Variants in NALF1 observed in about 807,000 individuals in gnomAD.
NALF1 encodes NALCN channel auxiliary factor 1.
NALF1 carries 3 observed loss-of-function variants against 48.4 expected under a neutral mutation model. The ratio of observed to expected loss-of-function variants is 0.06; its 90% CI spans 0.03 to 0.16. The LOEUF is 0.16. Ranked by LOEUF, NALF1 falls within the 10% of genes least tolerant of loss-of-function variation. The pLI is 1.00. For synonymous variants in NALF1, 262 were observed against 245.7 expected, an observed-to-expected ratio of 1.07 and a Z score of -0.62; for missense variants, 526 against 571.5, an observed-to-expected ratio of 0.92 and a Z score of 0.81.
chr13:107,655,529 C>T (rs775869228), intron 1 of NALF1, among the ~76,000 whole-genome samples: 23 of 152,048 alleles, frequency 1.5e-4, no homozygotes, highest in South Asian at 4.1e-4. Flanking sequence ...CAAATGGAAA[C>T]ACATCCCATG....
rs1220492301 is a variant in NALF1, at chr13:107,170,272, G to A, written c.*225C>T. On this transcript the variant is annotated 3_prime_UTR_variant, in exon 3 of 3. Transcript: ENST00000375915. ...AAACCTCCAAACATTAAAACACAGT[G>A]TATAAAATGGTGTGAGAAATTTAAA... The A allele has an allele frequency of 6.8e-5, 34 of 502,924 alleles. No homozygotes were observed. The highest frequency in any genetic ancestry group is 1.1e-4 in the Non-Finnish European group (30 of 283,358). 31.2% of individuals were successfully genotyped at this position (502,924 alleles called of 1,614,324 possible). A position where few individuals can be genotyped will look rare whatever the true frequency, so the allele number is the denominator to read the frequency against.
In NALF1 at chr13:107,769,237, A is replaced by G. The variant is rs1387948805; in HGVS notation, c.915+96445T>C. The stretch of plus-strand genomic sequence containing the variant: ...ATCATGCTGCTATAAAGACACATGC[A>G]CACGTATGTTTACTGCAGCACTCTT... On this transcript the variant is annotated intron_variant, in intron 1 of 2. Coordinates refer to ENST00000375915, the MANE Select transcript of NALF1 (RefSeq NM_001080396.3). 5.4e-5 allele frequency among the ~76,000 whole-genome samples: 8 copies of G among 149,038 alleles called. No individual in the cohort carries two copies. In the South Asian group the frequency reaches 1.8e-3, roughly 33 times the overall value.
chr13:107,364,683 G>C (rs1883120465), intron 1 of NALF1, among the ~76,000 whole-genome samples: 1 of 152,050 alleles, frequency 6.6e-6, no homozygotes, highest in Non-Finnish European at 1.5e-5. Flanking sequence ...TTTAAGTAAA[G>C]GAGTCAAAAT....
chr13:107,754,330 G>C (rs1289419034), intron 1 of NALF1, among the ~76,000 whole-genome samples: 1 of 148,096 alleles, frequency 6.8e-6, no homozygotes, highest in Admixed American at 6.9e-5. Context: ...AGGTTACCTA[G>C]GAATTGTATT....
chr13:107,262,953 G>A lies in NALF1; in HGVS notation c.916-52198C>T, dbSNP rs542239672. On this transcript the variant is annotated intron_variant, in intron 1 of 2. Transcript: ENST00000375915. ...GGTTAACAAAGAGAATCACAGACTC[G>A]TTGCGTGTATAGGAATGATTCAGGG... Among the ~76,000 whole-genome samples the A allele has an allele frequency of 1.0e-3, 152 of 152,218 alleles. 1 individual carries two copies. Among genetic ancestry groups the A allele is most frequent in the Middle Eastern group, 3.4e-3 (1 of 294 alleles).
At chr13:107,817,452 C>T (rs9520591) in intron 1 of NALF1, among the ~76,000 whole-genome samples, 24,880 of 152,134 alleles carry the variant, frequency 0.16, 2,273 homozygotes, top group African/African-American at 0.22. Context: ...AAGAAACATA[C>T]TGTGATATCT....
chr13:107,865,460 T>C (rs76836396), intron 1 of NALF1, among the ~76,000 whole-genome samples: 516 of 152,148 alleles, frequency 3.4e-3, no homozygotes, highest in African/African-American at 0.011. Context: ...ACCGGGGACT[T>C]CCCTGATCTT....
In NALF1 at chr13:107,571,098, T is replaced by A. The variant is rs559960647; in HGVS notation, c.915+294584A>T. On this transcript the variant is annotated intron_variant, in intron 1 of 2. Coordinates refer to ENST00000375915, the MANE Select transcript of NALF1 (RefSeq NM_001080396.3). ...GACAAGAAATAATACTGTTGCAGCA[T>A]AATAAGAAATATATGTTTGGTTTCT... Among the ~76,000 whole-genome samples, 13 of 152,360 alleles carry A rather than the reference T, an allele frequency of 8.5e-5. No homozygotes were observed. In the East Asian group the frequency reaches 2.3e-3, roughly 27 times the overall value.
chr13:107,590,521 C>T (rs1052049443), intron 1 of NALF1, among the ~76,000 whole-genome samples: 2 of 151,906 alleles, frequency 1.3e-5, no homozygotes, highest in African/African-American at 4.8e-5. Flanking sequence ...GTCTTCCTAG[C>T]TCGCACTGTA....
rs574047696 is a variant in NALF1 at position 107,512,133 on chromosome 13, G to A, written c.916-301378C>T. Among the ~76,000 whole-genome samples the A allele has an allele frequency of 4.2e-3, 640 of 152,320 alleles. 1 individual carries two copies. Among genetic ancestry groups the A allele is most frequent in the Non-Finnish European group, 6.7e-3 (454 of 68,018 alleles). On this transcript the variant is annotated intron_variant, in intron 1 of 2. Coordinates refer to ENST00000375915, the MANE Select transcript of NALF1 (RefSeq NM_001080396.3). ...ACTTTGGCTGGGTGTCGTGGCTCAC[G>A]CCTGTAATCCCAGCACTTTGGGAGG...
chr13:107,666,784 T>C (rs1880869526), intron 1 of NALF1, among the ~76,000 whole-genome samples: 2 of 151,874 alleles, frequency 1.3e-5, no homozygotes, highest in African/African-American at 2.4e-5. Flanking sequence ...CATAATTTTT[T>C]TGTAAAGTAT....
At chr13:107,567,144 T>C (rs1877835951) in intron 1 of NALF1, among the ~76,000 whole-genome samples, 1 of 152,246 alleles carries the variant, frequency 6.6e-6, no homozygotes, top group South Asian at 2.1e-4. Flanking sequence ...TTATATGTGA[T>C]AACGTAGTTA....
At chr13:107,602,487 G>A (rs1878957980) in intron 1 of NALF1, among the ~76,000 whole-genome samples, 1 of 152,116 alleles carries the variant, frequency 6.6e-6, no homozygotes, top group African/African-American at 2.4e-5. Context: ...ATAACGTAAA[G>A]TTGTTTCTCT....
intron 1 of NALF1, among the ~76,000 whole-genome samples, chr13:107,305,074 T>C (rs1255164767): frequency 6.6e-6 from 1 of 152,210 alleles, no homozygotes; most frequent in East Asian, 1.9e-4. Flanking sequence ...AACATTTACA[T>C]TCAAACTTCT....
At chr13:107,213,275 G>GATCACAGC (rs1879804971) in intron 1 of NALF1, among the ~76,000 whole-genome samples, 1 of 137,976 alleles carries the variant, frequency 7.2e-6, no homozygotes, top group Non-Finnish European at 1.5e-5. Context: ...ACTAGTAAGA[G>GATCACAGC]ATCACAGCAT....
At chr13:107,698,669 T>C (rs1048336843) in intron 1 of NALF1, among the ~76,000 whole-genome samples, 3 of 152,152 alleles carry the variant, frequency 2.0e-5, no homozygotes, top group Admixed American at 1.3e-4. Flanking sequence ...AGACTACAAA[T>C]TGACTCCAAT....
At chr13:107,525,709 T>C (rs1001690159) in intron 1 of NALF1, among the ~76,000 whole-genome samples, 2 of 152,274 alleles carry the variant, frequency 1.3e-5, no homozygotes, top group Admixed American at 6.5e-5. Flanking sequence ...CCAACGTGGC[T>C]CTACTATTCT....
chr13:107,720,233 T>C lies in NALF1; in HGVS notation c.915+145449A>G, dbSNP rs894651825. 5.9e-5 allele frequency among the ~76,000 whole-genome samples: 9 copies of C among 152,200 alleles called. No homozygotes were observed. In the East Asian group the frequency reaches 1.2e-3, roughly 20 times the overall value. On this transcript the variant is annotated intron_variant, in intron 1 of 2. Transcript: ENST00000375915. ...CAATTTTACAATACGCATAGTTGGC[T>C]GGGCACGGTGGCTCATGCCTGTAAT... is the stretch of plus-strand genomic sequence containing the variant.
intron 1 of NALF1, among the ~76,000 whole-genome samples, chr13:107,319,490 G>A (rs950036431): frequency 6.6e-6 from 1 of 152,028 alleles, no homozygotes; most frequent in Non-Finnish European, 1.5e-5. Flanking sequence ...GCAATATAAG[G>A]AGTATACTTG....
Sources: gnomAD v4.1 joint callset for allele counts (sites outside exome capture counted in the v4.1 genomes callset) on GRCh38, gnomAD v4.1.1 for gene constraint, MANE v1.5 for transcripts, NCBI Gene and HGNC (gene_info 2026-07-23, HGNC 2026-07-21) for gene names.